Variants in DDIAS observed in about 807,000 individuals in gnomAD.
DDIAS encodes DNA damage-induced apoptosis suppressor protein.
Under a neutral mutation model 15.7 loss-of-function variants are expected in DDIAS, and 14 were observed. The observed-to-expected ratio is 0.89, with a 90% CI of 0.59 to 1.39. The LOEUF is 1.39. Among genes scored for constraint, DDIAS ranks in the 40% most tolerant of loss-of-function variants. The pLI, the probability that DDIAS is intolerant of heterozygous loss-of-function variation, is 0.00. For synonymous variants in DDIAS, 355 were observed against 395.9 expected (o/e 0.90, Z 1.23); for missense variants, 1,035 against 1,130.9 (o/e 0.92, Z 1.22).
chr11:82,914,293 G>T, intron 2 of DDIAS: 1 of 191,132 alleles, frequency 5.2e-6, no homozygotes, highest in South Asian at 8.8e-5. Context: ...CTTATGTGTG[G>T]AATTTTGATT....
chr11:82,934,506 A>G lies in DDIAS; in HGVS notation c.*171A>G, dbSNP rs1362384472. 2 of 615,828 alleles carry G rather than the reference A, an allele frequency of 3.2e-6. No homozygotes were observed. Among genetic ancestry groups the G allele is most frequent in the Admixed American group, 3.6e-5 (1 of 27,578 alleles). The allele number at this position is 615,828 out of a possible 1,614,324, so 38.1% of individuals were successfully genotyped here. On this transcript the variant is annotated 3_prime_UTR_variant, in exon 6 of 6. Transcript: ENST00000533655. Reference sequence around the variant, plus strand: ...AAAATATAAAGCCATTGTTTTCCCCAGGGTTTTATCTAGAATACTATGATT... The same window carrying G: ...AAAATATAAAGCCATTGTTTTCCCCGGGGTTTTATCTAGAATACTATGATT...
chr11:82,907,339 T>C (rs940236495), intron 1 of DDIAS, among the ~76,000 whole-genome samples: 14 of 152,114 alleles, frequency 9.2e-5, no homozygotes, highest in African/African-American at 3.1e-4. Context: ...TACACTACAA[T>C]AGACAAAACA....
chr11:82,933,876 C>T lies in DDIAS; in HGVS notation c.2538C>T (p.Asp846=), dbSNP rs1861058706. Residue 846 remains aspartate (D), a synonymous_variant, in exon 6 of 6, where the codon GAC becomes GAT. Coordinates refer to ENST00000533655, the MANE Select transcript of DDIAS (RefSeq NM_145018.4). ...TTGTATCTGGTGTTTCACAACCAGA[C>T]GTTTTCAATCACTACCCTTTTGCTG... is the stretch of plus-strand genomic sequence containing the variant. ...SPIVSGVSQP[D]VFNHYPFAEC... is the part of the protein sequence containing the mutation. 15 of 1,614,018 alleles carry T rather than the reference C, an allele frequency of 9.3e-6. No homozygotes were observed. The highest frequency in any genetic ancestry group is 6.6e-5 in the South Asian group (6 of 91,052).
At chr11:82,912,331 G>A (rs1649184000) in intron 1 of DDIAS, among the ~76,000 whole-genome samples, 1 of 152,302 alleles carries the variant, frequency 6.6e-6, no homozygotes, top group East Asian at 1.9e-4. Flanking sequence ...AACTAGTTAA[G>A]ATCTACTTAT....
In DDIAS at chr11:82,934,101, A is replaced by G; in HGVS notation, c.2763A>G (p.Leu921=). The change falls in exon 6 of 6, where the codon TTA becomes TTG. Residue 921 remains leucine (L), a synonymous_variant. Coordinates refer to ENST00000533655, the MANE Select transcript of DDIAS (RefSeq NM_145018.4). The part of the protein sequence containing the change: ...GTNKGLIKKK[L]KNMLAAVVTK... ...ATAAAGGTTTAATTAAGAAGAAATT[A>G]AAGAATATGCTTGCAGCAGTTGTTA... The G allele has an allele frequency of 6.2e-7, 1 of 1,609,006 alleles. No individual in the cohort carries two copies. Among genetic ancestry groups the G allele is most frequent in the South Asian group, 1.1e-5 (1 of 89,396 alleles).
At position 82,933,929 on chromosome 11, in the gene DDIAS, G is replaced by C. The variant is rs1222333754; in HGVS notation, c.2591G>C (p.Trp864Ser). 6.2e-7 allele frequency: 1 copy of C among 1,613,278 alleles called. No individual in the cohort carries two copies. The highest frequency in any genetic ancestry group is 8.5e-7 in the Non-Finnish European group (1 of 1,179,838). ...TGCCATGAAACTGATAGTGATGAAT[G>C]GGTCCCTCCTACCACACAAAAAATA... ...AECHETDSDE[W>S]VPPTTQKIFP... The change falls in exon 6 of 6, where the codon TGG becomes TCG. Residue 864 changes from tryptophan to serine, a missense_variant. Coordinates refer to ENST00000533655, the MANE Select transcript of DDIAS (RefSeq NM_145018.4).
chr11:82,909,606 G>T (rs1383671927), intron 1 of DDIAS, among the ~76,000 whole-genome samples: 2 of 152,142 alleles, frequency 1.3e-5, no homozygotes, highest in Admixed American at 1.3e-4. Flanking sequence ...GCAATGGCAA[G>T]GAATTTGAGG....
chr11:82,933,237 T>C lies in DDIAS; in HGVS notation c.1899T>C (p.Tyr633=), dbSNP rs767400803. ...DSFTICRKLT[Y]PLETLCNSPN... ...TTACAATTTGCAGGAAACTTACATA[T>C]CCTTTAGAAACTCTTTGCAATAGTC... Residue 633 remains tyrosine, a synonymous_variant, in exon 6 of 6, where the codon TAT becomes TAC. Coordinates refer to ENST00000533655, the MANE Select transcript of DDIAS (RefSeq NM_145018.4). 2 of 1,612,214 alleles carry C rather than the reference T, an allele frequency of 1.2e-6. No individual in the cohort carries two copies. Among genetic ancestry groups the C allele is most frequent in the Non-Finnish European group, 1.7e-6 (2 of 1,179,578 alleles).
chr11:82,914,592 C>A, intron 2 of DDIAS, 131 bp from the exon 3 acceptor site: 1 of 522,746 alleles, frequency 1.9e-6, no homozygotes, highest in South Asian at 2.9e-5. Flanking sequence ...ATTGATACCA[C>A]CTTCACTTTG....
chr11:82,921,741 G>C (rs1860759694), intron 3 of DDIAS, among the ~76,000 whole-genome samples: 1 of 151,738 alleles, frequency 6.6e-6, no homozygotes, highest in South Asian at 2.1e-4. Context: ...ACCACGTCCA[G>C]CTAATTTTTG....
intron 3 of DDIAS, among the ~76,000 whole-genome samples, chr11:82,915,331 A>C (rs1860610776): frequency 6.6e-6 from 1 of 152,230 alleles, no homozygotes; most frequent in Non-Finnish European, 1.5e-5. Flanking sequence ...CAAGCCAACT[A>C]TACCTGAGAG....
At chr11:82,921,562 T>A (rs533043136) in intron 3 of DDIAS, among the ~76,000 whole-genome samples, 1 of 147,042 alleles carries the variant, frequency 6.8e-6, no homozygotes, top group South Asian at 2.1e-4. Context: ...ACAGTTTTTT[T>A]CTTTCTTTCT....
At chr11:82,905,043 G>A (rs1026112685) in intron 1 of DDIAS, among the ~76,000 whole-genome samples, 1 of 152,198 alleles carries the variant, frequency 6.6e-6, no homozygotes, top group Non-Finnish European at 1.5e-5. Flanking sequence ...CATATGGCTT[G>A]TCTAAAAGGA....
At chr11:82,915,386 A>T (rs1175754737) in intron 3 of DDIAS, among the ~76,000 whole-genome samples, 1 of 152,230 alleles carries the variant, frequency 6.6e-6, no homozygotes, top group African/African-American at 2.4e-5. Flanking sequence ...ACGAGAGGTT[A>T]GGTTTGAAGT....
At chr11:82,910,606 CTTTTTTTTTTTTTTTTTT>C (rs869173859) in intron 1 of DDIAS, among the ~76,000 whole-genome samples, 12 of 89,110 alleles carry the variant, frequency 1.3e-4, no homozygotes, top group Admixed American at 1.2e-3. Flanking sequence ...CTCTCTCTCT[CTTTTTTTTTTTTTTTTTT>C]TTTTTTTTTG....
intron 3 of DDIAS, among the ~76,000 whole-genome samples, chr11:82,921,719 C>T (rs1176062243): frequency 6.6e-6 from 1 of 151,784 alleles, no homozygotes; most frequent in Non-Finnish European, 1.5e-5. Flanking sequence ...GCTGGGATTA[C>T]AGGCACCCAC....
chr11:82,914,927 G>A, intron 3 of DDIAS, 76 bp downstream of exon 3: 1 of 968,032 alleles, frequency 1.0e-6, no homozygotes, highest in Non-Finnish European at 1.5e-6. Context: ...CAAGGGCAAG[G>A]ACCAGATTTA....
Position 82,933,177 on chromosome 11 carries a change from AT to A in DDIAS, c.1840del (p.Tyr614IlefsTer22). ...SDLCKLENKQ[Y>X]CRWSKNQDDS... ...ATCTTTGCAAATTAGAAAATAAACA[AT>A]ATTGTAGGTGGTCCAAGAACCAAGA... On this transcript the variant is annotated frameshift_variant, in exon 6 of 6. Coordinates refer to ENST00000533655, the MANE Select transcript of DDIAS (RefSeq NM_145018.4). LOFTEE classifies it low-confidence loss of function (END_TRUNC). 6.2e-7 allele frequency: 1 copy of A among 1,612,228 alleles called. No individual in the cohort carries two copies. The highest frequency in any genetic ancestry group is 1.7e-5 in the Admixed American group (1 of 59,938).
intron 4 of DDIAS, 135 bp from the exon 5 acceptor site, chr11:82,930,022 C>T (rs2121365423): frequency 3.6e-6 from 2 of 561,682 alleles, no homozygotes; most frequent in South Asian, 5.0e-5. Flanking sequence ...AACAAACTGC[C>T]TGGCTCTTAA....
Sources: gnomAD v4.1 joint callset for allele counts (sites outside exome capture counted in the v4.1 genomes callset) on GRCh38, gnomAD v4.1.1 for gene constraint, MANE v1.5 for transcripts, NCBI Gene and HGNC (gene_info 2026-07-23, HGNC 2026-07-21) for gene names.